EYA1: variants seen among roughly 807,000 people sequenced by gnomAD.
EYA1 encodes protein phosphatase EYA1.
In EYA1, 16 loss-of-function variants were observed where a neutral mutation model predicts 82.0. That is an observed-to-expected ratio of 0.20 (90% CI 0.13 to 0.30). The LOEUF is 0.30. Ranked by LOEUF, EYA1 falls within the 10% of genes least tolerant of loss-of-function variation. EYA1 has a pLI of 1.00. For missense variants in EYA1, 633 were observed against 730.7 expected (o/e 0.87, Z 1.54); for synonymous variants, 261 against 264.4 (o/e 0.99, Z 0.12).
chr8:71,532,460 G>A (rs1269234927), intron 2 of EYA1, among the ~76,000 whole-genome samples: 2 of 152,148 alleles, frequency 1.3e-5, no homozygotes, highest in African/African-American at 4.8e-5. Context: ...TGTCACATAT[G>A]TATCTATGTA....
At chr8:71,500,979 T>C (rs1400660228) in intron 2 of EYA1, among the ~76,000 whole-genome samples, 1 of 152,116 alleles carries the variant, frequency 6.6e-6, no homozygotes, top group East Asian at 1.9e-4. Context: ...AAAAAATAAA[T>C]CTCCCCTCAA....
chr8:71,438,716 A>G (rs1806184103), intron 2 of EYA1, among the ~76,000 whole-genome samples: 1 of 152,126 alleles, frequency 6.6e-6, no homozygotes, highest in South Asian at 2.1e-4. Context: ...AGCCAGAGTA[A>G]CTATGACACA....
chr8:71,211,537 A>G (rs903916290), intron 16 of EYA1, among the ~76,000 whole-genome samples: 2 of 152,202 alleles, frequency 1.3e-5, no homozygotes, highest in Admixed American at 1.3e-4. Context: ...CTAGTCAATC[A>G]CAGCATTGCA....
At chr8:71,384,211 C>G (rs999150720) in intron 2 of EYA1, among the ~76,000 whole-genome samples, 2 of 152,166 alleles carry the variant, frequency 1.3e-5, no homozygotes, top group African/African-American at 2.4e-5. Flanking sequence ...ACATTATCAG[C>G]CTTCATATAT....
intron 2 of EYA1, among the ~76,000 whole-genome samples, chr8:71,472,202 A>G (rs528633908): frequency 6.6e-6 from 1 of 152,294 alleles, no homozygotes; most frequent in Non-Finnish European, 1.5e-5. Flanking sequence ...TTTTCACTTT[A>G]AAACAAGGCA....
intron 2 of EYA1, among the ~76,000 whole-genome samples, chr8:71,432,927 T>C (rs1226715589): frequency 6.6e-6 from 1 of 152,178 alleles, no homozygotes; most frequent in East Asian, 1.9e-4. Flanking sequence ...GTAGATGCTT[T>C]TTAACTTATA....
intron 2 of EYA1, among the ~76,000 whole-genome samples, chr8:71,438,450 C>T (rs895560087): frequency 3.9e-5 from 6 of 151,996 alleles, no homozygotes; most frequent in African/African-American, 1.4e-4. Context: ...GTGCTGGACA[C>T]TGAAGAATGC....
intron 2 of EYA1, among the ~76,000 whole-genome samples, chr8:71,424,989 G>A (rs557981603): frequency 9.0e-4 from 136 of 151,750 alleles, no homozygotes; most frequent in Middle Eastern, 6.8e-3. Flanking sequence ...GGCCGGGCGC[G>A]GTGGCTCACG....
intron 2 of EYA1, among the ~76,000 whole-genome samples, chr8:71,470,660 T>C (rs938395512): frequency 5.3e-5 from 8 of 151,980 alleles, no homozygotes; most frequent in Non-Finnish European, 1.0e-4. Flanking sequence ...AAAGAAACAT[T>C]AATCTGATAT....
intron 10 of EYA1, among the ~76,000 whole-genome samples, chr8:71,271,160 T>C (rs752464560): frequency 2.0e-5 from 3 of 152,212 alleles, no homozygotes; most frequent in Non-Finnish European, 2.9e-5. Context: ...TTAATTTTTG[T>C]GGATACTAGG....
At chr8:71,216,611 T>G (rs1186075797) in intron 14 of EYA1, 81 bp downstream of exon 14, 2 of 1,380,182 alleles carry the variant, frequency 1.4e-6, no homozygotes, top group Non-Finnish European at 2.1e-6. Context: ...TTCAAAGCAG[T>G]GTGACACAAA....
chr8:71,453,170 G>GTGATTGAAGATCAAA (rs1807539895), intron 2 of EYA1, among the ~76,000 whole-genome samples: 2 of 152,226 alleles, frequency 1.3e-5, no homozygotes, highest in Non-Finnish European at 2.9e-5. Context: ...AAGGGTATCA[G>GTGATTGAAGATCAAA]TGATTGAAGA....
intron 1 of EYA1, among the ~76,000 whole-genome samples, chr8:71,536,300 A>G (rs1814707136): frequency 6.6e-6 from 1 of 152,226 alleles, no homozygotes; most frequent in African/African-American, 2.4e-5. Context: ...CAAGGATGAA[A>G]GAGAAAAAGC....
rs145440992 is a variant in EYA1 at position 71,471,849 on chromosome 8, T to C, written c.33+63895A>G. Among the ~76,000 whole-genome samples the C allele has an allele frequency of 1.4e-3, 215 of 152,190 alleles. 3 individuals carry two copies. The highest frequency in any genetic ancestry group is 1.5e-3 in the Non-Finnish European group (105 of 67,958). The stretch of plus-strand genomic sequence containing the variant: ...ATCAAACATCCAACTTTAATTTTGA[T>C]TTCAAATCCTGCAAACCCCTTTTAT... On this transcript the variant is annotated intron_variant, in intron 2 of 18. Transcript: ENST00000643681.
chr8:71,344,006 G>A (rs1825437772), intron 3 of EYA1, among the ~76,000 whole-genome samples: 2 of 152,004 alleles, frequency 1.3e-5, no homozygotes, highest in Non-Finnish European at 2.9e-5. Context: ...TTGCTTTTCT[G>A]TGTCTATCCT....
chr8:71,277,558 C>T (rs1817346460), intron 9 of EYA1, among the ~76,000 whole-genome samples: 1 of 152,126 alleles, frequency 6.6e-6, no homozygotes, highest in African/African-American at 2.4e-5. Context: ...ACTTCTGGTC[C>T]CTTCTTTGTA....
chr8:71,386,957 T>G (rs1337953083), intron 2 of EYA1, among the ~76,000 whole-genome samples: 12 of 152,210 alleles, frequency 7.9e-5, no homozygotes, highest in Non-Finnish European at 1.5e-5. Flanking sequence ...AACATGGAAT[T>G]TATTGAGCAG....
chr8:71,506,346 C>T (rs1812191983), intron 2 of EYA1, among the ~76,000 whole-genome samples: 1 of 152,204 alleles, frequency 6.6e-6, no homozygotes, highest in Non-Finnish European at 1.5e-5. Flanking sequence ...AGTATCAGCT[C>T]AAGGCTCCAT....
intron 2 of EYA1, among the ~76,000 whole-genome samples, chr8:71,461,816 C>G (rs1808383154): frequency 6.6e-6 from 1 of 152,060 alleles, no homozygotes; most frequent in Admixed American, 6.5e-5. Context: ...AGCTCCATTC[C>G]CTAGCCAGGG....
Sources: gnomAD v4.1 joint callset for allele counts (sites outside exome capture counted in the v4.1 genomes callset) on GRCh38, gnomAD v4.1.1 for gene constraint, MANE v1.5 for transcripts, NCBI Gene and HGNC (gene_info 2026-07-23, HGNC 2026-07-21) for gene names.